MARK2: variants seen among roughly 807,000 people sequenced by gnomAD.
MARK2 encodes the protein serine/threonine-protein kinase MARK2.
A neutral mutation model predicts 89.8 loss-of-function variants in MARK2; 16 were observed. The ratio of observed to expected loss-of-function variants is 0.18; its 90% CI spans 0.12 to 0.27. The LOEUF (loss-of-function observed/expected upper bound fraction) is 0.27, where lower values mean the gene tolerates loss of function less well. MARK2 is among the 10% of genes least tolerant of loss of function. MARK2 has a pLI of 1.00. For synonymous variants in MARK2, 382 were observed against 399.5 expected, an observed-to-expected ratio of 0.96 and a Z score of 0.52; for missense variants, 621 against 1,049.9, an observed-to-expected ratio of 0.59 and a Z score of 5.65.
chr11:63,899,192 C>T, intron 7 of MARK2, 84 bp downstream of exon 7: 1 of 850,622 alleles, frequency 1.2e-6, no homozygotes, highest in Non-Finnish European at 2.0e-6. Flanking sequence ...CATCAATAAC[C>T]ATCAGGCCCT....
chr11:63,842,026 G>T lies in MARK2; in HGVS notation c.54+2466G>T, dbSNP rs138196033. Among the ~76,000 whole-genome samples, 199 of 152,250 alleles carry T rather than the reference G, an allele frequency of 1.3e-3. 3 individuals carry two copies. In the East Asian group the frequency reaches 0.036, roughly 28 times the overall value. ...CAGTAGCTGCATACATTGTCATCCTGTTAGGATTATTAATTACCCATCCTA... is the reference window on the plus strand; with the variant it reads ...CAGTAGCTGCATACATTGTCATCCTTTTAGGATTATTAATTACCCATCCTA... On this transcript the variant is annotated intron_variant, in intron 1 of 18. Coordinates refer to ENST00000402010, the MANE Select transcript of MARK2 (RefSeq NM_001039469.3).
chr11:63,905,310 C>G (rs1941239104), intron 16 of MARK2, among the ~76,000 whole-genome samples: 1 of 152,364 alleles, frequency 6.6e-6, no homozygotes. Context: ...CGCCTCCTCT[C>G]TAGGAGAGTG....
At chr11:63,857,474 C>T (rs1164106755) in intron 1 of MARK2, among the ~76,000 whole-genome samples, 3 of 152,214 alleles carry the variant, frequency 2.0e-5, no homozygotes, top group African/African-American at 4.8e-5. Context: ...AGCCACCGCC[C>T]CAGCCTGTTT....
chr11:63,879,364 G>A (rs1938960802), intron 1 of MARK2, among the ~76,000 whole-genome samples: 1 of 152,000 alleles, frequency 6.6e-6, no homozygotes, highest in African/African-American at 2.4e-5. Context: ...TATCACACAA[G>A]TAAGTTGTCC....
chr11:63,841,304 G>T (rs774771838), intron 1 of MARK2, among the ~76,000 whole-genome samples: 12 of 152,264 alleles, frequency 7.9e-5, no homozygotes, highest in Non-Finnish European at 1.6e-4. Context: ...GAAGTTCTAG[G>T]CAGAGTTTTT....
chr11:63,854,166 C>T (rs1565098608), intron 1 of MARK2, among the ~76,000 whole-genome samples: 1 of 148,044 alleles, frequency 6.8e-6, no homozygotes, highest in African/African-American at 2.5e-5. Context: ...AGCCACCATG[C>T]CTGGCCAAGA....
Position 63,900,328 on chromosome 11 carries a change from C to T in MARK2, c.768+218C>T, listed in dbSNP as rs1940758406. Among the ~76,000 whole-genome samples, 1 of 152,138 alleles carries T rather than the reference C, an allele frequency of 6.6e-6. No individual in the cohort carries two copies. The highest frequency in any genetic ancestry group is 2.4e-5 in the African/African-American group (1 of 41,414). ...TGGGATAAACTGTGTGTGTGTTCAT[C>T]CCCCAAGGCACTCCGGATTGCAGGC... On this transcript the variant is annotated intron_variant, in intron 8 of 18. Transcript: ENST00000402010. This position sits in a 1 kb window ranked among gnomAD's most constrained non-coding sequence, Gnocchi z 4.7.
At chr11:63,855,188 A>AT (rs2016778597) in intron 1 of MARK2, among the ~76,000 whole-genome samples, 1 of 152,176 alleles carries the variant, frequency 6.6e-6, no homozygotes, top group African/African-American at 2.4e-5. Context: ...GTGAAGAAAT[A>AT]TTTTCCAGAT....
At chr11:63,908,749 G>A in intron 18 of MARK2, 128 bp from the exon 19 acceptor site, 1 of 929,022 alleles carries the variant, frequency 1.1e-6, no homozygotes, top group South Asian at 2.5e-5. Flanking sequence ...GCAGGCCAGG[G>A]GCCACGCCTG....
chr11:63,857,366 G>A (rs1402809448), intron 1 of MARK2, among the ~76,000 whole-genome samples: 1 of 148,670 alleles, frequency 6.7e-6, no homozygotes, highest in Non-Finnish European at 1.5e-5. Flanking sequence ...CTCCATGTTG[G>A]TCAGGCTGGT....
chr11:63,843,731 C>G (rs941911187), intron 1 of MARK2, among the ~76,000 whole-genome samples: 6 of 152,014 alleles, frequency 3.9e-5, no homozygotes, highest in Non-Finnish European at 1.5e-5. Context: ...TCAAGCGATT[C>G]TCCTGCCTCA....
chr11:63,847,409 C>T (rs1019374029), intron 1 of MARK2, among the ~76,000 whole-genome samples: 2 of 152,134 alleles, frequency 1.3e-5, no homozygotes, highest in Non-Finnish European at 2.9e-5. Context: ...GAGAGGAGGG[C>T]TGTGTTCAGT....
chr11:63,892,593 A>G (rs1939963364), intron 1 of MARK2, among the ~76,000 whole-genome samples: 1 of 152,094 alleles, frequency 6.6e-6, no homozygotes, highest in African/African-American at 2.4e-5. Context: ...GAAGTTTCCA[A>G]GGCAGCTCTG....
At chr11:63,857,089 G>C (rs1445501955) in intron 1 of MARK2, among the ~76,000 whole-genome samples, 1 of 152,038 alleles carries the variant, frequency 6.6e-6, no homozygotes, top group Admixed American at 6.6e-5. Context: ...GGGATTGCAG[G>C]CATGAGCCAC....
At chr11:63,895,390 C>A (rs187142399) in intron 2 of MARK2, 52 bp downstream of exon 2, 1 of 1,566,582 alleles carries the variant, frequency 6.4e-7, no homozygotes, top group Non-Finnish European at 8.8e-7. Flanking sequence ...TGTTGACACT[C>A]CAGCAGGTGG....
chr11:63,878,357 G>A (rs1717681080), intron 1 of MARK2, among the ~76,000 whole-genome samples: 1 of 122,632 alleles, frequency 8.2e-6, no homozygotes, highest in Admixed American at 9.6e-5. Context: ...TCTTGTTCAA[G>A]TCTTTTTTTT....
chr11:63,878,053 A>T (rs1009852963), intron 1 of MARK2, among the ~76,000 whole-genome samples: 2 of 152,230 alleles, frequency 1.3e-5, no homozygotes, highest in African/African-American at 4.8e-5. Flanking sequence ...AGCAGTGGCA[A>T]GCCCAGTAAG....
At chr11:63,855,998 G>A (rs2016817705) in intron 1 of MARK2, among the ~76,000 whole-genome samples, 1 of 152,204 alleles carries the variant, frequency 6.6e-6, no homozygotes, top group South Asian at 2.1e-4. Context: ...TAAGATAGCT[G>A]TGTAGTCCTC....
chr11:63,875,505 G>T (rs1938696385), intron 1 of MARK2, among the ~76,000 whole-genome samples: 1 of 152,168 alleles, frequency 6.6e-6, no homozygotes, highest in South Asian at 2.1e-4. Flanking sequence ...GCCTACCTCA[G>T]CCTCCCAAAG....
Sources: allele counts gnomAD v4.1 joint callset (sites outside exome capture counted in the v4.1 genomes callset), GRCh38; gene constraint gnomAD v4.1.1; non-coding constraint Gnocchi (gnomAD v3.1); transcripts MANE v1.5; gene names NCBI Gene and HGNC (gene_info 2026-07-23, HGNC 2026-07-21).